The following EPB41L3 variants were observed in gnomAD, a reference collection of about 807,000 sequenced individuals.
The protein encoded by EPB41L3 is band 4.1-like protein 3.
Under a neutral mutation model 127.1 loss-of-function variants are expected in EPB41L3, and 57 were observed. The observed-to-expected ratio is 0.45, with a 90% confidence interval of 0.36 to 0.56. The LOEUF (loss-of-function observed/expected upper bound fraction) is 0.56. Ranked by LOEUF, EPB41L3 falls within the 20% of genes least tolerant of loss-of-function variation. The pLI, the probability that EPB41L3 is intolerant of heterozygous loss-of-function variation, is 0.00. For synonymous variants in EPB41L3, 572 were observed against 549.5 expected (o/e 1.04, Z -0.57); for missense variants, 1,273 against 1,372.2 (o/e 0.93, Z 1.14).
rs1345391988 is a variant in EPB41L3 at position 5,543,480 on chromosome 18, CG to C, written c.-12+432del. On this transcript the variant is annotated intron_variant, in intron 1 of 22. Transcript: ENST00000341928. This position sits in a 1 kb window ranked among gnomAD's most constrained non-coding sequence, Gnocchi z 5.2. ...CACCTCCCCGGGGGAGGGGCCGGCC[CG>C]CGCTCGCCCCCAGCCCGAGGGGCAA... 1.4e-5 allele frequency: 2 copies of C among 147,128 alleles called. No individual in the cohort carries two copies. Among genetic ancestry groups the C allele is most frequent in the East Asian group, 4.0e-4 (2 of 5,020 alleles). The allele number at this position is 147,128 out of a possible 1,614,324, so 9.1% of individuals were successfully genotyped here.
intron 16 of EPB41L3, chr18:5,401,134 C>CTCTA (rs777511324): frequency 3.1e-6 from 2 of 639,134 alleles, no homozygotes; most frequent in Non-Finnish European, 2.7e-6. Context: ...ATTGTATTAT[C>CTCTA]TCTATCTATC....
chr18:5,424,218 T>C (rs763095922), intron 10 of EPB41L3, 44 bp downstream of exon 10: 1 of 1,353,496 alleles, frequency 7.4e-7, no homozygotes, highest in Non-Finnish European at 1.0e-6. Context: ...GTATAAGTGA[T>C]TATAATTATT....
At chr18:5,575,392 C>T (rs979192638) in intron 3 of EPB41L3, among the ~76,000 whole-genome samples, 1 of 152,038 alleles carries the variant, frequency 6.6e-6, no homozygotes, top group African/African-American at 2.4e-5. Flanking sequence ...AATGAATTCT[C>T]GCCCCTGTTT....
intron 1 of EPB41L3, among the ~76,000 whole-genome samples, chr18:5,623,477 A>G (rs2094887945): frequency 6.6e-6 from 1 of 152,164 alleles, no homozygotes; most frequent in African/African-American, 2.4e-5. Flanking sequence ...ATTTACAACT[A>G]TTTGAGGAGG....
chr18:5,548,315 G>T (rs1376229463), upstream of EPB41L3, among the ~76,000 whole-genome samples: 1 of 152,176 alleles, frequency 6.6e-6, no homozygotes, highest in African/African-American at 2.4e-5. Flanking sequence ...GCTCATTAAG[G>T]CTTCCAGATG....
chr18:5,520,557 T>TAAAAAAAAAAAA (rs11339935), intron 1 of EPB41L3, among the ~76,000 whole-genome samples: 1 of 105,184 alleles, frequency 9.5e-6, no homozygotes, highest in Non-Finnish European at 2.1e-5. Flanking sequence ...TTTCCCAAAA[T>TAAAAAAAAAAAA]AAAAAAAAAA....
At chr18:5,548,508 T>C (rs1420470117), upstream of EPB41L3, among the ~76,000 whole-genome samples, 1 of 152,256 alleles carries the variant, frequency 6.6e-6, no homozygotes, top group Non-Finnish European at 1.5e-5. Context: ...TTCATCAGAA[T>C]TCCATATTTG....
At position 5,445,225 on chromosome 18, in the gene EPB41L3, A is replaced by T; in HGVS notation, c.401T>A (p.Val134Glu). The part of the protein sequence containing the change: ...CDVEKRSRGQ[V>E]LFDKVCEHLN... ...GTGTTCACACACTTTATCAAACAGC[A>T]CTTGTCCTCTGGAGCGTTTCTACAG... The change falls in exon 4 of 23, where the codon GTG becomes GAG. Residue 134 changes from valine to glutamate, a missense_variant. Physicochemically the swap from Val to Glu is moderately radical, Grantham distance 121. Around this residue, in one of 3 missense-constraint regions of EPB41L3, gnomAD observed 326 missense variants for 440.2 expected, o/e 0.74. Transcript: ENST00000341928. The T allele has an allele frequency of 6.2e-7, 1 of 1,613,984 alleles. No homozygotes were observed. Among genetic ancestry groups the T allele is most frequent in the Non-Finnish European group, 8.5e-7 (1 of 1,179,984 alleles).
At chr18:5,528,882 GCTACCGCACCTGGCCCA>G (rs1568506317) in intron 1 of EPB41L3, 1 of 152,354 alleles carries the variant, frequency 6.6e-6, no homozygotes, top group African/African-American at 2.4e-5. Flanking sequence ...ACAGACATGA[GCTACCGCACCTGGCCCA>G]TCCTCTAGTT....
At chr18:5,585,248 G>A (rs1289212857) in intron 3 of EPB41L3, among the ~76,000 whole-genome samples, 2 of 152,126 alleles carry the variant, frequency 1.3e-5, no homozygotes, top group African/African-American at 2.4e-5. Context: ...GTGTGATCGT[G>A]TCTCTACTTG....
Position 5,543,440 on chromosome 18 carries a change from G to GC in EPB41L3, c.-12+472dup, listed in dbSNP as rs1428358956. On this transcript the variant is annotated intron_variant, in intron 1 of 22. Coordinates refer to ENST00000341928, the MANE Select transcript of EPB41L3 (RefSeq NM_012307.5). The surrounding 1 kb of genome is among the most constrained non-coding windows in gnomAD (Gnocchi z 5.2). ...CCCGCCCGGGCGGCGCCGCAGTGTC[G>GC]CCCCCTGTCCCCCGCACCTCCCCGG... is the stretch of plus-strand genomic sequence containing the variant. The GC allele has an allele frequency of 1.4e-5, 2 of 146,864 alleles. No homozygotes were observed. The highest frequency in any genetic ancestry group is 2.0e-4 in the East Asian group (1 of 5,002). The allele number at this position is 146,864 out of a possible 1,614,324, so 9.1% of individuals were successfully genotyped here.
chr18:5,405,016 G>A (rs2075131606), intron 16 of EPB41L3, among the ~76,000 whole-genome samples: 1 of 152,164 alleles, frequency 6.6e-6, no homozygotes, highest in Non-Finnish European at 1.5e-5. Context: ...ACAAGAATAT[G>A]GTGGTAGTCG....
intron 1 of EPB41L3, among the ~76,000 whole-genome samples, chr18:5,499,771 TA>T (rs200093760): frequency 3.4e-5 from 5 of 147,054 alleles, no homozygotes; most frequent in African/African-American, 7.6e-5. Flanking sequence ...TGTCTCAAAA[TA>T]AAAAAAAAAC....
chr18:5,495,212 G>C (rs1285203638), intron 1 of EPB41L3, among the ~76,000 whole-genome samples: 1 of 152,184 alleles, frequency 6.6e-6, no homozygotes, highest in Non-Finnish European at 1.5e-5. Context: ...ACCAGCTCCT[G>C]TGGAGCTGAC....
At position 5,422,381 on chromosome 18, in the gene EPB41L3, G is replaced by A. The variant is rs561622835; in HGVS notation, c.1339+997C>T. Among the ~76,000 whole-genome samples the A allele has an allele frequency of 3.3e-5, 5 of 152,330 alleles. No individual in the cohort carries two copies. In the South Asian group the frequency reaches 1.0e-3, roughly 32 times the overall value. On this transcript the variant is annotated intron_variant, in intron 11 of 22. Coordinates refer to ENST00000341928, the MANE Select transcript of EPB41L3 (RefSeq NM_012307.5). ...CCATCAATCACCCGGCTAGTGAAAT[G>A]GGGAAGGCAGAGCTGAGACTCTCAG...
At position 5,416,951 on chromosome 18, in the gene EPB41L3, C is replaced by T. The variant is rs369319327; in HGVS notation, c.1507-573G>A. 2.6e-5 allele frequency among the ~76,000 whole-genome samples: 4 copies of T among 152,208 alleles called. No homozygotes were observed. In the East Asian group the frequency reaches 5.8e-4, roughly 22 times the overall value. ...TTCCAAATCAAGAAGTTTCTGGCCC[C>T]ACTCCTATCTGATAAGTAGTTACAA... On this transcript the variant is annotated intron_variant, in intron 12 of 22. Coordinates refer to ENST00000341928, the MANE Select transcript of EPB41L3 (RefSeq NM_012307.5).
At chr18:5,506,515 C>G (rs1466469776) in intron 1 of EPB41L3, among the ~76,000 whole-genome samples, 1 of 152,186 alleles carries the variant, frequency 6.6e-6, no homozygotes, top group Non-Finnish European at 1.5e-5. Context: ...CTGTCTACCC[C>G]TCCTGGCTCT....
intron 8 of EPB41L3, among the ~76,000 whole-genome samples, chr18:5,430,808 CCT>C (rs1305782745): frequency 6.6e-6 from 1 of 151,958 alleles, no homozygotes; most frequent in Non-Finnish European, 1.5e-5. Flanking sequence ...AAGCAATCCC[CCT>C]GTCTCAGAGT....
chr18:5,618,679 CAGACG>C (rs1001095058), intron 1 of EPB41L3, among the ~76,000 whole-genome samples: 40 of 152,268 alleles, frequency 2.6e-4, no homozygotes, highest in African/African-American at 9.4e-4. Flanking sequence ...TCTTTGTGAA[CAGACG>C]AAAGTCAATG....
Sources: allele counts gnomAD v4.1 joint callset (sites outside exome capture counted in the v4.1 genomes callset), GRCh38; gene constraint gnomAD v4.1.1; regional missense constraint gnomAD v4.1.1; non-coding constraint Gnocchi (gnomAD v3.1); transcripts MANE v1.5; gene names NCBI Gene and HGNC (gene_info 2026-07-23, HGNC 2026-07-21).